Variants in RASGEF1B observed in about 807,000 individuals in gnomAD.
The protein encoded by RASGEF1B is ras-GEF domain-containing family member 1B.
Under a neutral mutation model 65.7 loss-of-function variants are expected in RASGEF1B, and 30 were observed. The ratio of observed to expected loss-of-function variants is 0.46; its 90% confidence interval spans 0.34 to 0.62. RASGEF1B has a LOEUF of 0.62. Among genes scored for constraint, RASGEF1B ranks in the 20% least tolerant of loss-of-function variants. The pLI, the probability that RASGEF1B is intolerant of heterozygous loss-of-function variation, is 0.01. For missense variants in RASGEF1B, 495 were observed against 580.1 expected (o/e 0.85, Z 1.51); for synonymous variants, 175 against 194.8 (o/e 0.90, Z 0.85).
intron 13 of RASGEF1B, among the ~76,000 whole-genome samples, chr4:81,429,272 G>C (rs1721334437): frequency 6.6e-6 from 1 of 152,150 alleles, no homozygotes; most frequent in African/African-American, 2.4e-5. Context: ...ACAGGATATG[G>C]AAAAGGCAGA....
intron 8 of RASGEF1B, 37 bp downstream of exon 8, chr4:81,445,489 A>T: frequency 1.5e-6 from 2 of 1,375,304 alleles, no homozygotes; most frequent in Non-Finnish European, 2.1e-6. Flanking sequence ...CAGGATTCGT[A>T]AAGATAAACG....
At chr4:81,435,614 A>G (rs1180262135) in intron 10 of RASGEF1B, among the ~76,000 whole-genome samples, 3 of 147,930 alleles carry the variant, frequency 2.0e-5, no homozygotes, top group Admixed American at 6.7e-5. Flanking sequence ...GACTACAGGA[A>G]CCCACCATCA....
chr4:81,451,696 A>G (rs1002474443), intron 4 of RASGEF1B: 2 of 152,216 alleles, frequency 1.3e-5, no homozygotes, highest in African/African-American at 2.4e-5. Context: ...TTCCCACAGA[A>G]TGGGATTTTT....
chr4:81,463,210 T>C (rs1047444630), intron 1 of RASGEF1B, among the ~76,000 whole-genome samples: 1 of 152,208 alleles, frequency 6.6e-6, no homozygotes, highest in African/African-American at 2.4e-5. Context: ...TTAATTACTC[T>C]TATTAAAAAG....
chr4:81,466,769 A>AAGAAAGAAAGAAAGAAAGAAGGAAAG lies in RASGEF1B; in HGVS notation c.-7+5000_-7+5001insCTTTCCTTCTTTCTTTCTTTCTTTCT, dbSNP rs1722831513. Among the ~76,000 whole-genome samples the AAGAAAGAAAGAAAGAAAGAAGGAAAG allele has an allele frequency of 3.8e-5, 5 of 132,834 alleles. 1 individual carries two copies. Among genetic ancestry groups the AAGAAAGAAAGAAAGAAAGAAGGAAAG allele is most frequent in the African/African-American group, 1.5e-4 (5 of 32,986 alleles). 87.1% of individuals were successfully genotyped at this position (132,834 alleles called of 152,430 possible). A position where few individuals can be genotyped will look rare whatever the true frequency, so the allele number is the denominator to read the frequency against. On this transcript the variant is annotated intron_variant, in intron 1 of 13. Coordinates refer to ENST00000264400, the MANE Select transcript of RASGEF1B (RefSeq NM_152545.3). Reference sequence around the variant, plus strand: ...GCAAGCCTCCATGTCAAAAAAAAAAAAAAAGAAAGAAAGAAAGAAAGAAAG... The same window carrying AAGAAAGAAAGAAAGAAAGAAGGAAAG: ...GCAAGCCTCCATGTCAAAAAAAAAAAAGAAAGAAAGAAAGAAAGAAGGAAAGAAAAGAAAGAAAGAAAGAAAGAAAG...
chr4:81,471,331 G>A (rs1228772362), intron 1 of RASGEF1B: 2 of 152,404 alleles, frequency 1.3e-5, no homozygotes, highest in African/African-American at 2.4e-5. Flanking sequence ...TGAAAAAAAT[G>A]ATGGACGCGA....
At chr4:81,451,798 C>G (rs962505483) in intron 4 of RASGEF1B, 7 of 152,232 alleles carry the variant, frequency 4.6e-5, no homozygotes, top group African/African-American at 1.7e-4. Context: ...TTCTATGCCT[C>G]AGCTGCTATT....
intron 13 of RASGEF1B, among the ~76,000 whole-genome samples, chr4:81,430,161 C>G (rs1044600816): frequency 1.5e-4 from 23 of 152,100 alleles, no homozygotes; most frequent in African/African-American, 5.3e-4. Context: ...ATTAGCCGGG[C>G]GTGGTGGCGG....
At chr4:81,466,287 A>AT (rs1408800901) in intron 1 of RASGEF1B, among the ~76,000 whole-genome samples, 2 of 152,078 alleles carry the variant, frequency 1.3e-5, no homozygotes, top group East Asian at 3.9e-4. Flanking sequence ...GAGTTCACGT[A>AT]TTTCAGCTTT....
In RASGEF1B at chr4:81,432,303, A is replaced by G; in HGVS notation, c.1393T>C (p.Leu465=). The G allele has an allele frequency of 6.2e-7, 1 of 1,603,390 alleles. No homozygotes were observed. Among genetic ancestry groups the G allele is most frequent in the African/African-American group, 1.3e-5 (1 of 74,790 alleles). Reference sequence around the variant, plus strand: ...AATGAGAAGAATGAGACCCACCTTAAAGACTTCCATCTGTCTTTCTCTATA... The same window carrying G: ...AATGAGAAGAATGAGACCCACCTTAGAGACTTCCATCTGTCTTTCTCTATA... ...NHIEKDRWKS[L]RSSLLGRV Residue 465 remains leucine, a synonymous_variant, in exon 13 of 14, where the codon TTA becomes CTA. Transcript: ENST00000264400.
At chr4:81,433,212 G>C (rs952242493) in intron 12 of RASGEF1B, among the ~76,000 whole-genome samples, 5 of 149,480 alleles carry the variant, frequency 3.3e-5, no homozygotes, top group Non-Finnish European at 5.9e-5. Flanking sequence ...CTGGGTGACA[G>C]AGTGAGTTGC....
intron 1 of RASGEF1B, among the ~76,000 whole-genome samples, chr4:81,461,998 A>G (rs1722663786): frequency 6.6e-6 from 1 of 152,164 alleles, no homozygotes; most frequent in African/African-American, 2.4e-5. Context: ...TCAGCACCAA[A>G]AGCTACCAAG....
intron 10 of RASGEF1B, among the ~76,000 whole-genome samples, chr4:81,440,599 G>A (rs1029216178): frequency 3.9e-5 from 6 of 152,136 alleles, no homozygotes; most frequent in African/African-American, 1.2e-4. Context: ...ACAATTAAGA[G>A]GCACTACAGA....
Position 81,427,435 on chromosome 4 carries a change from A to C in RASGEF1B, c.*333T>G. The C allele has an allele frequency of 3.4e-6, 1 of 293,880 alleles. No individual in the cohort carries two copies. The highest frequency in any genetic ancestry group is 6.2e-6 in the Non-Finnish European group (1 of 160,718). The allele number at this position is 293,880 out of a possible 1,614,324, so 18.2% of individuals were successfully genotyped here. On this transcript the variant is annotated 3_prime_UTR_variant, in exon 14 of 14. Transcript: ENST00000264400. ...CAACCAAATTAAAAAAAACACACAC[A>C]CACAAAAGAAAACTCCATCCAGGTG... is the stretch of plus-strand genomic sequence containing the variant.
At chr4:81,459,230 A>C (rs1340931634) in intron 2 of RASGEF1B, 102 bp downstream of exon 2, 1 of 882,812 alleles carries the variant, frequency 1.1e-6, no homozygotes, top group Non-Finnish European at 1.6e-6. Flanking sequence ...AAAAATTCTT[A>C]GCAACCTAGA....
chr4:81,461,796 A>T (rs984636582), intron 1 of RASGEF1B, among the ~76,000 whole-genome samples: 2 of 152,268 alleles, frequency 1.3e-5, no homozygotes, highest in Admixed American at 1.3e-4. Flanking sequence ...ATCACAATCT[A>T]GTCCAATCTC....
chr4:81,443,721 A>G (rs1721925606), intron 8 of RASGEF1B, among the ~76,000 whole-genome samples: 1 of 152,254 alleles, frequency 6.6e-6, no homozygotes, highest in African/African-American at 2.4e-5. Context: ...GCAATTATGA[A>G]TAAAGCTGTG....
intron 12 of RASGEF1B, 129 bp downstream of exon 12, chr4:81,433,711 A>G (rs918066228): frequency 2.3e-6 from 2 of 888,232 alleles, no homozygotes; most frequent in African/African-American, 3.4e-5. Context: ...TGTGAAACAG[A>G]AAACTCTTAA....
intron 10 of RASGEF1B, among the ~76,000 whole-genome samples, chr4:81,436,459 G>A (rs144011892): frequency 2.4e-4 from 36 of 152,286 alleles, no homozygotes; most frequent in African/African-American, 7.2e-4. Flanking sequence ...TCTTTGGCTT[G>A]ATGAGGTGGT....
Sources: gnomAD v4.1 joint callset for allele counts (sites outside exome capture counted in the v4.1 genomes callset) on GRCh38, gnomAD v4.1.1 for gene constraint, MANE v1.5 for transcripts, NCBI Gene and HGNC (gene_info 2026-07-23, HGNC 2026-07-21) for gene names.